Variants in ZNF23 observed in about 807,000 individuals in gnomAD.
ZNF23 encodes kruppel-like zinc finger factor X31.
ZNF23 carries 48 observed loss-of-function variants against 56.2 expected under a neutral mutation model. That is an observed-to-expected ratio of 0.85 (90% CI 0.68 to 1.09). The LOEUF is 1.09. ZNF23 is among the 50% of genes least tolerant of loss of function. The probability of loss-of-function intolerance (pLI) is 0.00; values close to 1 mark genes in which losing one functional copy is unlikely to be tolerated. For synonymous variants in ZNF23, 266 were observed against 283.3 expected, an observed-to-expected ratio of 0.94 and a Z score of 0.61; for missense variants, 805 against 811.4, an observed-to-expected ratio of 0.99 and a Z score of 0.10.
chr16:71,450,837 T>C (rs1234559913), intron 4 of ZNF23: 4 of 264,734 alleles, frequency 1.5e-5, no homozygotes, highest in African/African-American at 4.7e-5. Context: ...GTTGTTCCTA[T>C]AGCACTCAGT....
chr16:71,456,264 A>G (rs1194039397), intron 2 of ZNF23: 1 of 352,044 alleles, frequency 2.8e-6, no homozygotes, highest in East Asian at 8.0e-5. Context: ...TCACAAGCAC[A>G]ATGAGACATT....
intron 1 of ZNF23, chr16:71,461,936 C>A: frequency 6.6e-6 from 1 of 152,464 alleles, no homozygotes. Flanking sequence ...CCCCGTCGAC[C>A]AAGTGCTAAA....
At position 71,449,721 on chromosome 16, in the gene ZNF23, T is replaced by C; in HGVS notation, c.433A>G (p.Lys145Glu). ...VHSAGNIKKEKSNTIDGTVKD... is the reference protein window; with the variant it reads ...VHSAGNIKKEESNTIDGTVKD... ...ACTGTTCCATCAATGGTGTTGCTCT[T>C]CTCCTTCTTTATATTTCCTGCTGAG... Residue 145 changes from lysine (K) to glutamate (E), a missense_variant, in exon 5 of 5, where the codon AAG (lysine) becomes GAG (glutamate). Physicochemically the swap from Lys to Glu is moderately conservative, Grantham distance 56. Coordinates refer to ENST00000647773, the MANE Select transcript of ZNF23 (RefSeq NM_001381984.1). 6.2e-7 allele frequency: 1 copy of C among 1,614,024 alleles called. No homozygotes were observed. Among genetic ancestry groups the C allele is most frequent in the Non-Finnish European group, 8.5e-7 (1 of 1,180,034 alleles).
Position 71,449,150 on chromosome 16 carries a change from C to G in ZNF23, c.1004G>C (p.Ser335Thr), listed in dbSNP as rs911796161. 6 of 1,613,992 alleles carry G rather than the reference C, an allele frequency of 3.7e-6. No individual in the cohort carries two copies. The Admixed American group carries it at 1.0e-4, about 27-fold the overall frequency. The change falls in exon 5 of 5, where the codon AGT becomes ACT. Residue 335 changes from serine to threonine, a missense_variant. By Grantham distance (58) the Ser-to-Thr change is moderately conservative. Coordinates refer to ENST00000647773, the MANE Select transcript of ZNF23 (RefSeq NM_001381984.1). The stretch of plus-strand genomic sequence containing the variant: ...TCTCTGATGTGTAATATATGCAGAA[C>G]TACAGCTGAAGCCATTTCCACATTC... ...CKECGNGFSC[S>T]SAYITHQRVH...
intron 4 of ZNF23, chr16:71,450,777 G>T: frequency 2.5e-6 from 1 of 394,122 alleles, no homozygotes. Context: ...CACCAGCTCA[G>T]CATTCTTTTA....
At chr16:71,450,517 G>A (rs2043018982) in intron 4 of ZNF23, 1 of 285,954 alleles carries the variant, frequency 3.5e-6, no homozygotes, top group Non-Finnish European at 7.0e-6. Flanking sequence ...TTGGGAGTTT[G>A]CAACCAGCCT....
At chr16:71,460,820 G>A (rs556889716) in intron 1 of ZNF23, among the ~76,000 whole-genome samples, 1 of 152,132 alleles carries the variant, frequency 6.6e-6, no homozygotes, top group African/African-American at 2.4e-5. Context: ...TTACACACTA[G>A]AGAAACTCTC....
At chr16:71,454,823 T>G (rs552245059) in intron 2 of ZNF23, among the ~76,000 whole-genome samples, 1 of 152,344 alleles carries the variant, frequency 6.6e-6, no homozygotes, top group East Asian at 1.9e-4. Flanking sequence ...CCAAGAACAT[T>G]TGGGAAAGCA....
rs1257550095 is a variant in ZNF23 at position 71,448,595 on chromosome 16, T to G, written c.1559A>C (p.Glu520Ala). ...QRIHTGEKPF[E>A]CNECGRCFTS... ...AAAGCATCTCCCACACTCATTACATTCAAAAGGTTTCTCCCCAGTGTGAAT... is the reference window on the plus strand; with the variant it reads ...AAAGCATCTCCCACACTCATTACATGCAAAAGGTTTCTCCCCAGTGTGAAT... The change falls in exon 5 of 5, where the codon GAA (glutamate) becomes GCA (alanine). Residue 520 changes from glutamate to alanine, a missense_variant. Transcript: ENST00000647773. 8 of 1,612,610 alleles carry G rather than the reference T, an allele frequency of 5.0e-6. No individual in the cohort carries two copies. The East Asian group carries it at 1.8e-4, about 36-fold the overall frequency.
Position 71,448,614 on chromosome 16 carries a change from T to G in ZNF23, c.1540A>C (p.Thr514Pro). ...TTACATTCAAAAGGTTTCTCCCCAG[T>G]GTGAATTCTCTGATGCCGCATTAGT... The part of the protein sequence containing the change: ...GKLMRHQRIH[T>P]GEKPFECNEC... Residue 514 changes from threonine (T) to proline (P), a missense_variant, in exon 5 of 5, where the codon ACT (threonine) becomes CCT (proline). Physicochemically the swap from Thr to Pro is conservative, Grantham distance 38 (BLOSUM62 -1). Coordinates refer to ENST00000647773, the MANE Select transcript of ZNF23 (RefSeq NM_001381984.1). 1.9e-6 allele frequency: 3 copies of G among 1,614,230 alleles called. No individual in the cohort carries two copies. Among genetic ancestry groups the G allele is most frequent in the Non-Finnish European group, 2.5e-6 (3 of 1,180,040 alleles).
chr16:71,454,866 T>C (rs1179893073), intron 2 of ZNF23, among the ~76,000 whole-genome samples: 1 of 152,160 alleles, frequency 6.6e-6, no homozygotes, highest in African/African-American at 2.4e-5. Flanking sequence ...CCGGCTACTC[T>C]CCCCTTTGCA....
chr16:71,455,978 A>G, intron 2 of ZNF23: 2 of 455,870 alleles, frequency 4.4e-6, no homozygotes, highest in Non-Finnish European at 8.8e-6. Flanking sequence ...GGCGGTTGTC[A>G]GGACCAAACG....
chr16:71,459,573 A>G (rs967199660), intron 1 of ZNF23, among the ~76,000 whole-genome samples: 1 of 152,184 alleles, frequency 6.6e-6, no homozygotes, highest in Admixed American at 6.5e-5. Context: ...ATTTATTTTC[A>G]TTCTTCCTAT....
chr16:71,455,052 C>T (rs184642089), intron 2 of ZNF23, among the ~76,000 whole-genome samples: 1 of 152,324 alleles, frequency 6.6e-6, no homozygotes, highest in African/African-American at 2.4e-5. Flanking sequence ...CTCAACTCCT[C>T]TCTGCTAGGA....
In ZNF23 at chr16:71,454,139, C is replaced by T. The variant is rs755758345; in HGVS notation, c.63G>A (p.Val21=). Residue 21 remains valine (V), a synonymous_variant, in exon 3 of 5, where the codon GTG becomes GTA. Coordinates refer to ENST00000647773, the MANE Select transcript of ZNF23 (RefSeq NM_001381984.1). The part of the protein sequence containing the change: ...QKSVTFEDVA[V]YFTQAEWDGL... ...CATCCCATTCCGCCTGGGTGAAGTACACAGCCACGTCCTCAAAGGTCACCG... is the reference window on the plus strand; with the variant it reads ...CATCCCATTCCGCCTGGGTGAAGTATACAGCCACGTCCTCAAAGGTCACCG... 28 of 1,613,842 alleles carry T rather than the reference C, an allele frequency of 1.7e-5. No individual in the cohort carries two copies. The highest frequency in any genetic ancestry group is 4.0e-5 in the African/African-American group (3 of 74,922).
intron 1 of ZNF23, among the ~76,000 whole-genome samples, chr16:71,459,743 G>T (rs2043372600): frequency 6.6e-6 from 1 of 152,126 alleles, no homozygotes; most frequent in African/African-American, 2.4e-5. Flanking sequence ...GTTTACTGTT[G>T]CTAATTTCTT....
chr16:71,460,867 A>G (rs562848362), intron 1 of ZNF23, among the ~76,000 whole-genome samples: 70 of 147,186 alleles, frequency 4.8e-4, no homozygotes, highest in South Asian at 1.8e-3. Context: ...TTATCAGCAC[A>G]TTTTAATAAC....
chr16:71,461,325 G>A lies in ZNF23; in HGVS notation c.-33+885C>T, dbSNP rs372754773. On this transcript the variant is annotated intron_variant, in intron 1 of 4. Transcript: ENST00000647773. Reference sequence around the variant, plus strand: ...AATAAATATATAAACCAGCAAGGATGGGGTGAAATTGAGGACCCAAAATGT... The same window carrying A: ...AATAAATATATAAACCAGCAAGGATAGGGTGAAATTGAGGACCCAAAATGT... 1.1e-4 allele frequency among the ~76,000 whole-genome samples: 16 copies of A among 152,140 alleles called. No individual in the cohort carries two copies. The East Asian group carries it at 2.5e-3, about 24-fold the overall frequency.
chr16:71,448,620 T>C lies in ZNF23; in HGVS notation c.1534A>G (p.Ile512Val). 6 of 1,614,052 alleles carry C rather than the reference T, an allele frequency of 3.7e-6. No individual in the cohort carries two copies. Among genetic ancestry groups the C allele is most frequent in the Non-Finnish European group, 5.1e-6 (6 of 1,179,992 alleles). Reference sequence around the variant, plus strand: ...TCAAAAGGTTTCTCCCCAGTGTGAATTCTCTGATGCCGCATTAGTTTCCCA... The same window carrying C: ...TCAAAAGGTTTCTCCCCAGTGTGAACTCTCTGATGCCGCATTAGTTTCCCA... ...VNGKLMRHQR[I>V]HTGEKPFECN... Residue 512 changes from isoleucine (I) to valine (V), a missense_variant, in exon 5 of 5, where the codon ATT (isoleucine) becomes GTT (valine). Ile to Val is a conservative substitution (Grantham distance 29, BLOSUM62 3). Coordinates refer to ENST00000647773, the MANE Select transcript of ZNF23 (RefSeq NM_001381984.1).
Sources: gnomAD v4.1 joint callset for allele counts (sites outside exome capture counted in the v4.1 genomes callset) on GRCh38, gnomAD v4.1.1 for gene constraint, MANE v1.5 for transcripts, NCBI Gene and HGNC (gene_info 2026-07-23, HGNC 2026-07-21) for gene names.